The following KDM4C variants were observed in gnomAD, a reference collection of about 807,000 sequenced individuals.
The protein encoded by KDM4C is lysine-specific demethylase 4C.
Under a neutral mutation model 129.3 loss-of-function variants are expected in KDM4C, and 81 were observed. The observed-to-expected ratio is 0.63, with a 90% CI of 0.52 to 0.75. The LOEUF (loss-of-function observed/expected upper bound fraction) is 0.75. KDM4C is among the 30% of genes least tolerant of loss of function. The pLI is 0.00. For missense variants in KDM4C, 1,457 were observed against 1,304.0 expected (o/e 1.12, Z -1.81); for synonymous variants, 573 against 456.1 (o/e 1.26, Z -3.26).
intron 19 of KDM4C, among the ~76,000 whole-genome samples, chr9:7,129,518 T>G (rs139614075): frequency 2.6e-5 from 4 of 152,340 alleles, no homozygotes; most frequent in African/African-American, 9.6e-5. Context: ...CTCCCCTTGT[T>G]AGAATTAGTC....
chr9:6,775,902 A>G (rs1822925931), intron 1 of KDM4C, among the ~76,000 whole-genome samples: 1 of 152,200 alleles, frequency 6.6e-6, no homozygotes, highest in African/African-American at 2.4e-5. Flanking sequence ...TATGTTTAAC[A>G]GCATCTACCC....
chr9:6,934,570 C>T (rs1337071371), intron 8 of KDM4C, among the ~76,000 whole-genome samples: 1 of 151,610 alleles, frequency 6.6e-6, no homozygotes, highest in Non-Finnish European at 1.5e-5. Flanking sequence ...GCTCTGTCAC[C>T]AGGCTGCCTC....
At position 6,984,206 on chromosome 9, in the gene KDM4C, G is replaced by A; in HGVS notation, c.1156G>A (p.Asp386Asn). 6.2e-7 allele frequency: 1 copy of A among 1,613,802 alleles called. No homozygotes were observed. The highest frequency in any genetic ancestry group is 1.1e-5 in the South Asian group (1 of 91,044). ...GTCTACCTCTAAAAGGCCTAAGGCT[G>A]ATGAGGAAGAGGAAGTGTCAGATGA... ...ARSTSKRPKA[D>N]EEEEVSDEVD... Residue 386 changes from aspartate (D) to asparagine (N), a missense_variant, in exon 10 of 22, where the codon GAT (aspartate) becomes AAT (asparagine). Asp to Asn is a conservative substitution (Grantham distance 23). Coordinates refer to ENST00000381309, the MANE Select transcript of KDM4C (RefSeq NM_015061.6).
At chr9:6,949,505 G>T (rs1827696819) in intron 8 of KDM4C, among the ~76,000 whole-genome samples, 1 of 152,212 alleles carries the variant, frequency 6.6e-6, no homozygotes, top group South Asian at 2.1e-4. Flanking sequence ...GGAGGTGGAG[G>T]TTGTAGCGAG....
At chr9:7,155,786 C>T (rs1262044344) in intron 19 of KDM4C, among the ~76,000 whole-genome samples, 1 of 152,182 alleles carries the variant, frequency 6.6e-6, no homozygotes, top group East Asian at 1.9e-4. Context: ...GGTTCCAAGT[C>T]TTTGCTATTG....
intron 8 of KDM4C, 163 bp downstream of exon 8, chr9:6,893,395 G>C (rs1006910136): frequency 2.2e-6 from 1 of 451,670 alleles, no homozygotes; most frequent in Non-Finnish European, 3.8e-6. Flanking sequence ...ATTTTACATA[G>C]CCAATATTAC....
chr9:6,796,893 C>A (rs1387366338), intron 2 of KDM4C, among the ~76,000 whole-genome samples: 1 of 152,088 alleles, frequency 6.6e-6, no homozygotes, highest in Non-Finnish European at 1.5e-5. Flanking sequence ...CGAATCAAAT[C>A]ATATTATAAA....
chr9:6,848,761 G>A (rs139195948), intron 4 of KDM4C, among the ~76,000 whole-genome samples: 11 of 152,036 alleles, frequency 7.2e-5, no homozygotes, highest in African/African-American at 2.4e-4. Context: ...ACCTTCCCTC[G>A]CTCTGCCATC....
chr9:6,798,095 A>C (rs1295157633), intron 2 of KDM4C, among the ~76,000 whole-genome samples: 2 of 152,342 alleles, frequency 1.3e-5, no homozygotes, highest in East Asian at 3.9e-4. Flanking sequence ...AACTTCTGAA[A>C]ATATATTCCA....
At chr9:7,002,053 T>A (rs818886) in intron 12 of KDM4C, among the ~76,000 whole-genome samples, 38,481 of 152,108 alleles carry the variant, frequency 0.25, 5,406 homozygotes, top group South Asian at 0.5. Context: ...CCACCACACC[T>A]GGCTAGTTTT....
chr9:6,987,767 A>T (rs189649106), intron 11 of KDM4C, among the ~76,000 whole-genome samples: 9 of 152,314 alleles, frequency 5.9e-5, no homozygotes, highest in African/African-American at 2.2e-4. Context: ...TTATAAACAC[A>T]TCAAAAATAT....
At chr9:7,147,339 C>G (rs988022946) in intron 19 of KDM4C, among the ~76,000 whole-genome samples, 2 of 152,116 alleles carry the variant, frequency 1.3e-5, no homozygotes, top group African/African-American at 4.8e-5. Context: ...CTTGGAAAGC[C>G]GGACATATAA....
At chr9:6,895,597 T>C (rs1816283670) in intron 8 of KDM4C, among the ~76,000 whole-genome samples, 1 of 152,152 alleles carries the variant, frequency 6.6e-6, no homozygotes. Context: ...CAATTTATCA[T>C]TGACATATTT....
At chr9:6,771,080 C>CTTTTTTTTTTTT (rs35945405) in intron 1 of KDM4C, among the ~76,000 whole-genome samples, 2 of 56,952 alleles carry the variant, frequency 3.5e-5, no homozygotes, top group African/African-American at 7.6e-5. Context: ...GACTGTGAAT[C>CTTTTTTTTTTTT]TTTTTTTTTT....
intron 1 of KDM4C, among the ~76,000 whole-genome samples, chr9:6,732,834 G>A (rs934523579): frequency 4.6e-5 from 7 of 152,264 alleles, no homozygotes; most frequent in Non-Finnish European, 7.3e-5. Flanking sequence ...CCAGCATGGC[G>A]AAACCCTGTT....
chr9:6,919,247 T>TTTCTTTTCTTTC, intron 8 of KDM4C, among the ~76,000 whole-genome samples: 5 of 106,366 alleles, frequency 4.7e-5, no homozygotes, highest in Non-Finnish European at 4.0e-5. Flanking sequence ...TCTTTCTTTC[T>TTTCTTTTCTTTC]TTTCTTTCTT....
At chr9:6,784,092 C>G (rs1824953539) in intron 1 of KDM4C, among the ~76,000 whole-genome samples, 1 of 151,950 alleles carries the variant, frequency 6.6e-6, no homozygotes, top group Non-Finnish European at 1.5e-5. Context: ...AGCCAGCATG[C>G]AGATGTTACT....
intron 4 of KDM4C, among the ~76,000 whole-genome samples, chr9:6,817,443 G>A (rs1832326402): frequency 6.6e-6 from 1 of 151,998 alleles, no homozygotes; most frequent in Non-Finnish European, 1.5e-5. Context: ...GGGCTCAAGC[G>A]ATCCTCCCTC....
intron 17 of KDM4C, among the ~76,000 whole-genome samples, chr9:7,079,995 C>T (rs1225104451): frequency 1.3e-5 from 2 of 151,886 alleles, no homozygotes; most frequent in Admixed American, 1.3e-4. Flanking sequence ...GAGGGCAAGT[C>T]TCAAAAGAGC....
Sources: gnomAD v4.1 joint callset for allele counts (sites outside exome capture counted in the v4.1 genomes callset) on GRCh38, gnomAD v4.1.1 for gene constraint, MANE v1.5 for transcripts, NCBI Gene and HGNC (gene_info 2026-07-23, HGNC 2026-07-21) for gene names.